PLS1: variants seen among roughly 807,000 people sequenced by gnomAD.
PLS1 encodes plastin-1.
In PLS1, 32 loss-of-function variants were observed where a neutral mutation model predicts 73.7. That is an observed-to-expected ratio of 0.43 (90% CI 0.33 to 0.58). The LOEUF (loss-of-function observed/expected upper bound fraction) is 0.58. PLS1 is among the 20% of genes least tolerant of loss of function. The probability of loss-of-function intolerance (pLI) is 0.04; values close to 1 mark genes in which losing one functional copy is unlikely to be tolerated. For missense variants in PLS1, 633 were observed against 740.5 expected (o/e 0.85, Z 1.68); for synonymous variants, 217 against 261.3 (o/e 0.83, Z 1.63).
At chr3:142,668,577 A>G (rs2037526859) in intron 2 of PLS1, among the ~76,000 whole-genome samples, 1 of 150,478 alleles carries the variant, frequency 6.6e-6, no homozygotes, top group Admixed American at 6.6e-5. Context: ...CTCCCTTTTT[A>G]GCTATCTGTG....
rs138049105 is a variant in PLS1, at chr3:142,691,100, G to A, written c.1177+1287G>A. Among the ~76,000 whole-genome samples, 1,009 of 152,082 alleles carry A rather than the reference G, an allele frequency of 6.6e-3. 18 individuals are homozygous for A. The highest frequency in any genetic ancestry group is 0.011 in the East Asian group (55 of 5,174). On this transcript the variant is annotated intron_variant, in intron 10 of 15. Transcript: ENST00000457734. ...AGACAGAATGAGAAATCAATTTCAT[G>A]ATCTTTTTCTGCTTGACTGCCATAA...
At chr3:142,642,237 A>G (rs1279082488) in intron 1 of PLS1, among the ~76,000 whole-genome samples, 2 of 152,168 alleles carry the variant, frequency 1.3e-5, no homozygotes, top group African/African-American at 2.4e-5. Context: ...CTGATAGTAT[A>G]TGGTGAATTT....
rs1209701892 is a variant in PLS1 at position 142,684,032 on chromosome 3, T to C, written c.606T>C (p.Ser202=). 6.2e-7 allele frequency: 1 copy of C among 1,610,118 alleles called. No individual in the cohort carries two copies. The highest frequency in any genetic ancestry group is 8.5e-7 in the Non-Finnish European group (1 of 1,178,978). The part of the protein sequence containing the change: ...ISENLNLALN[S]ASAIGCTVVN... ...AAAATTTAAACCTAGCTCTGAATTC[T>C]GCCTCAGCCATTGGTTGTACAGTGG... is the stretch of plus-strand genomic sequence containing the variant. Residue 202 remains serine (S), a synonymous_variant, in exon 7 of 16, where the codon TCT becomes TCC. Coordinates refer to ENST00000457734, the MANE Select transcript of PLS1 (RefSeq NM_001145319.2).
chr3:142,613,814 C>A (rs1168157707), intron 1 of PLS1, among the ~76,000 whole-genome samples: 1 of 152,206 alleles, frequency 6.6e-6, no homozygotes, highest in Non-Finnish European at 1.5e-5. Flanking sequence ...TTTCCTGTTA[C>A]ATAAAAATTC....
At chr3:142,696,953 G>A (rs2038223740) in intron 11 of PLS1, among the ~76,000 whole-genome samples, 1 of 151,436 alleles carries the variant, frequency 6.6e-6, no homozygotes, top group Non-Finnish European at 1.5e-5. Flanking sequence ...CCCAGTACTG[G>A]GCCCAGCTCC....
chr3:142,691,181 A>C (rs950581745), intron 10 of PLS1, among the ~76,000 whole-genome samples: 4 of 152,136 alleles, frequency 2.6e-5, no homozygotes, highest in African/African-American at 7.2e-5. Flanking sequence ...TTAATGAACG[A>C]CGTTTCAGAT....
At chr3:142,599,286 C>T (rs898572119) in intron 1 of PLS1, among the ~76,000 whole-genome samples, 5 of 149,876 alleles carry the variant, frequency 3.3e-5, no homozygotes, top group African/African-American at 1.2e-4. Flanking sequence ...TTTATCCAGA[C>T]TATCCCCTAA....
chr3:142,653,795 T>C (rs2037156423), intron 1 of PLS1, among the ~76,000 whole-genome samples: 1 of 152,212 alleles, frequency 6.6e-6, no homozygotes, highest in Non-Finnish European at 1.5e-5. Context: ...AAGATGATTC[T>C]AATTTGTTCA....
intron 4 of PLS1, among the ~76,000 whole-genome samples, chr3:142,672,307 T>C (rs952423033): frequency 2.0e-5 from 3 of 151,554 alleles, no homozygotes; most frequent in African/African-American, 7.3e-5. Context: ...TTTTGAGGTA[T>C]AAGATACTTG....
chr3:142,610,715 G>T (rs112892516), intron 1 of PLS1, among the ~76,000 whole-genome samples: 2,544 of 152,150 alleles, frequency 0.017, 75 homozygotes, highest in African/African-American at 0.057. Flanking sequence ...AAAGACTCTC[G>T]CTGGGCCACA....
intron 4 of PLS1, among the ~76,000 whole-genome samples, chr3:142,675,334 A>G (rs917974909): frequency 2.0e-5 from 3 of 152,160 alleles, no homozygotes; most frequent in Non-Finnish European, 2.9e-5. Context: ...TTTAAGATAT[A>G]TACCTTCATC....
At chr3:142,604,072 T>C (rs2035976230) in intron 1 of PLS1, among the ~76,000 whole-genome samples, 3 of 152,182 alleles carry the variant, frequency 2.0e-5, no homozygotes. Flanking sequence ...AAGATGTTTA[T>C]ATTAAAAAAA....
intron 1 of PLS1, among the ~76,000 whole-genome samples, chr3:142,652,542 T>C (rs868423460): frequency 2.0e-5 from 3 of 152,156 alleles, no homozygotes; most frequent in Admixed American, 6.5e-5. Flanking sequence ...GCAAATCCAT[T>C]AGCGCATCTA....
intron 1 of PLS1, among the ~76,000 whole-genome samples, chr3:142,653,077 T>C (rs1362548477): frequency 3.3e-5 from 5 of 152,196 alleles, no homozygotes; most frequent in African/African-American, 1.2e-4. Context: ...ATTGCATGTT[T>C]TTACATTGTT....
At chr3:142,633,177 A>G (rs960323756) in intron 1 of PLS1, among the ~76,000 whole-genome samples, 3 of 152,220 alleles carry the variant, frequency 2.0e-5, no homozygotes, top group African/African-American at 7.2e-5. Flanking sequence ...CATGTAGAGT[A>G]GTCGAAATCA....
At chr3:142,597,689 A>G (rs143102934) in intron 1 of PLS1, among the ~76,000 whole-genome samples, 7 of 152,336 alleles carry the variant, frequency 4.6e-5, no homozygotes, top group African/African-American at 1.7e-4. Context: ...CAGCGAGGTT[A>G]GATGACTTGC....
At chr3:142,629,613 A>T (rs746710516) in intron 1 of PLS1, among the ~76,000 whole-genome samples, 27 of 152,196 alleles carry the variant, frequency 1.8e-4, no homozygotes, top group Non-Finnish European at 3.1e-4. Flanking sequence ...GTCGGGAAGG[A>T]TTAGAAGGAA....
chr3:142,599,402 T>C (rs1369109058), intron 1 of PLS1, among the ~76,000 whole-genome samples: 1 of 146,952 alleles, frequency 6.8e-6, no homozygotes, highest in Non-Finnish European at 1.5e-5. Flanking sequence ...CAATCTCGGC[T>C]CACTGCAAGC....
intron 1 of PLS1, among the ~76,000 whole-genome samples, chr3:142,650,020 C>T (rs1254391363): frequency 1.3e-5 from 2 of 151,868 alleles, no homozygotes; most frequent in East Asian, 1.9e-4. Flanking sequence ...TCTATATATT[C>T]GTTTAGACAC....
Sources: gnomAD v4.1 joint callset for allele counts (sites outside exome capture counted in the v4.1 genomes callset) on GRCh38, gnomAD v4.1.1 for gene constraint, MANE v1.5 for transcripts, NCBI Gene and HGNC (gene_info 2026-07-23, HGNC 2026-07-21) for gene names.